Variants in PRRC2B observed in about 807,000 individuals in gnomAD.
The protein encoded by PRRC2B is proline rich coiled-coil 2B, also known as protein PRRC2B.
PRRC2B carries 68 observed loss-of-function variants against 242.3 expected under a neutral mutation model. The ratio of observed to expected loss-of-function variants is 0.28; its 90% CI spans 0.23 to 0.34. The LOEUF (loss-of-function observed/expected upper bound fraction) is 0.34, where lower values mean the gene tolerates loss of function less well. PRRC2B is among the 10% of genes least tolerant of loss of function. PRRC2B has a pLI of 1.00. For missense variants in PRRC2B, 2,835 were observed against 2,954.8 expected (o/e 0.96, Z 0.94); for synonymous variants, 1,228 against 1,173.6 (o/e 1.05, Z -0.95).
At position 131,475,517 on chromosome 9, in the gene PRRC2B, G is replaced by A. The variant is rs1273996576; in HGVS notation, c.3388G>A (p.Val1130Ile). The A allele has an allele frequency of 6.2e-7, 1 of 1,610,154 alleles. No individual in the cohort carries two copies. Among genetic ancestry groups the A allele is most frequent in the East Asian group, 2.2e-5 (1 of 44,814 alleles). The stretch of plus-strand genomic sequence containing the variant: ...CCCCAGAGCCAAGCCCCGACGGAGA[G>A]TTGCCAGTGAGACCCATAGCGAGGG... ...DCPRAKPRRR[V>I]ASETHSEGSE... Residue 1130 changes from valine to isoleucine, a missense_variant, in exon 16 of 32, where the codon GTT becomes ATT. Around this residue, in one of 7 missense-constraint regions of PRRC2B, gnomAD observed 1,536 missense variants for 1,483.1 expected, o/e 1.04. Coordinates refer to ENST00000683519, the MANE Select transcript of PRRC2B (RefSeq NM_013318.4).
At chr9:131,415,812 A>G (rs986591733) in intron 1 of PRRC2B, among the ~76,000 whole-genome samples, 1 of 152,104 alleles carries the variant, frequency 6.6e-6, no homozygotes, top group Non-Finnish European at 1.5e-5. Context: ...AACATGCTGA[A>G]ATTTCACATT....
In PRRC2B at chr9:131,444,941, G is replaced by C. The variant is rs78418077; in HGVS notation, c.613+613G>C. 2.0e-5 allele frequency among the ~76,000 whole-genome samples: 3 copies of C among 152,150 alleles called. No homozygotes were observed. The East Asian group carries it at 5.8e-4, about 29-fold the overall frequency. On this transcript the variant is annotated intron_variant, in intron 6 of 31. Coordinates refer to ENST00000683519, the MANE Select transcript of PRRC2B (RefSeq NM_013318.4). ...GGTGTTTAGGAATGTGATTTTCCAC[G>C]TGTTCTACTCAGGGATTTTGAAGTG... is the stretch of plus-strand genomic sequence containing the variant.
chr9:131,445,482 C>T lies in PRRC2B; in HGVS notation c.614-919C>T, dbSNP rs541842977. 1.3e-3 allele frequency among the ~76,000 whole-genome samples: 192 copies of T among 152,266 alleles called. 1 individual carries two copies. The highest frequency in any genetic ancestry group is 4.0e-3 in the African/African-American group (167 of 41,560). On this transcript the variant is annotated intron_variant, in intron 6 of 31. Transcript: ENST00000683519. ...CCTGTTTGCATCATTTTAAGGGACA[C>T]GAATTATGTCTTTCTGGGGTTAATT...
intron 11 of PRRC2B, 46 bp from the exon 12 acceptor site, chr9:131,464,717 C>A: frequency 1.3e-6 from 2 of 1,496,790 alleles, no homozygotes; most frequent in Non-Finnish European, 1.8e-6. Flanking sequence ...TCCTGTATCC[C>A]GGGTCCCGGA....
intron 1 of PRRC2B, among the ~76,000 whole-genome samples, chr9:131,396,770 T>A (rs1378755772): frequency 6.6e-6 from 1 of 152,098 alleles, no homozygotes; most frequent in African/African-American, 2.4e-5. Context: ...TTAGTACAGC[T>A]AGGGAGCTCA....
At chr9:131,382,379 GC>G (rs1470387822) in intron 1 of PRRC2B, among the ~76,000 whole-genome samples, 5 of 152,128 alleles carry the variant, frequency 3.3e-5, no homozygotes, top group African/African-American at 1.2e-4. Context: ...TCTGGTCTTT[GC>G]CTCCTCTCTT....
At chr9:131,441,630 C>T (rs1838578784) in intron 5 of PRRC2B, among the ~76,000 whole-genome samples, 1 of 152,236 alleles carries the variant, frequency 6.6e-6, no homozygotes, top group Admixed American at 6.5e-5. Context: ...AAGTCAGTTT[C>T]AGTTCCCCCT....
At chr9:131,410,056 CT>C (rs1179159214) in intron 1 of PRRC2B, among the ~76,000 whole-genome samples, 2 of 152,264 alleles carry the variant, frequency 1.3e-5, no homozygotes, top group East Asian at 3.9e-4. Context: ...AGAGGGAGGC[CT>C]TTGTATAGCA....
At position 131,488,099 on chromosome 9, in the gene PRRC2B, C is replaced by G. The variant is rs1944077678; in HGVS notation, c.6225+3C>G. The G allele has an allele frequency of 1.2e-6, 2 of 1,611,264 alleles. No homozygotes were observed. On this transcript the variant is annotated splice_donor_region_variant and intron_variant, in intron 28 of 31. Transcript: ENST00000683519. Reference sequence around the variant, plus strand: ...TGTTGGACTCCCAGCTCCCACAGGTCAGGAATTCAGTCACTCTACCCAAAG... The same window carrying G: ...TGTTGGACTCCCAGCTCCCACAGGTGAGGAATTCAGTCACTCTACCCAAAG...
At chr9:131,419,238 G>A (rs1837734771) in intron 1 of PRRC2B, among the ~76,000 whole-genome samples, 1 of 152,188 alleles carries the variant, frequency 6.6e-6, no homozygotes, top group Non-Finnish European at 1.5e-5. Flanking sequence ...TTTATCTCAA[G>A]AGGGTTTTCT....
chr9:131,397,053 A>T (rs922995403), intron 1 of PRRC2B, among the ~76,000 whole-genome samples: 2 of 152,170 alleles, frequency 1.3e-5, no homozygotes, highest in Non-Finnish European at 2.9e-5. Context: ...TGGAACTGAG[A>T]TATTTTAGCA....
Position 131,475,979 on chromosome 9 carries a change from C to G in PRRC2B, c.3850C>G (p.Gln1284Glu). The G allele has an allele frequency of 6.2e-7, 1 of 1,610,226 alleles. No individual in the cohort carries two copies. Among genetic ancestry groups the G allele is most frequent in the Non-Finnish European group, 8.5e-7 (1 of 1,176,988 alleles). The change falls in exon 16 of 32, where the codon CAA becomes GAA. Residue 1284 changes from glutamine to glutamate, a missense_variant. Coordinates refer to ENST00000683519, the MANE Select transcript of PRRC2B (RefSeq NM_013318.4). ...CGCGGAGGACAAGAGATCCTTCTTC[C>G]AAGATGAACACGTGGCAGATTCTGA... ...SRAEDKRSFF[Q>E]DEHVADSENA...
chr9:131,457,185 T>G (rs910530903), intron 10 of PRRC2B, among the ~76,000 whole-genome samples: 2 of 152,264 alleles, frequency 1.3e-5, no homozygotes, highest in Admixed American at 1.3e-4. Flanking sequence ...TGTAATTTCC[T>G]TTCATGCTGT....
Position 131,473,559 on chromosome 9 carries a change from G to C in PRRC2B, c.2159G>C (p.Arg720Pro). The change falls in exon 15 of 32, where the codon CGC becomes CCC. Residue 720 changes from arginine to proline, a missense_variant. Physicochemically the swap from Arg to Pro is moderately radical, Grantham distance 103 (BLOSUM62 -2). This residue lies in a region of PRRC2B where 1,536 missense variants were observed against 1,483.1 expected (regional missense o/e 1.04). Coordinates refer to ENST00000683519, the MANE Select transcript of PRRC2B (RefSeq NM_013318.4). Reference sequence around the variant, plus strand: ...GAGTCCCTCAATGGGACAGGCTGTCGCTCTGAGGATCAGAACTGTGTGCCC... The same window carrying C: ...GAGTCCCTCAATGGGACAGGCTGTCCCTCTGAGGATCAGAACTGTGTGCCC... ...PQESLNGTGCRSEDQNCVPPL... is the reference protein window; with the variant it reads ...PQESLNGTGCPSEDQNCVPPL... 1.2e-6 allele frequency: 2 copies of C among 1,610,198 alleles called. No homozygotes were observed. Among genetic ancestry groups the C allele is most frequent in the Non-Finnish European group, 1.7e-6 (2 of 1,178,306 alleles).
At chr9:131,491,252 G>T in intron 28 of PRRC2B, 173 bp from the exon 29 acceptor site, 1 of 625,746 alleles carries the variant, frequency 1.6e-6, no homozygotes. Flanking sequence ...TGAAATCCTG[G>T]GCGATCTCTC....
rs1308552617 is a variant in PRRC2B at position 131,474,716 on chromosome 9, G to A, written c.2587G>A (p.Glu863Lys). 1 of 1,612,606 alleles carries A rather than the reference G, an allele frequency of 6.2e-7. No homozygotes were observed. The highest frequency in any genetic ancestry group is 1.7e-5 in the Admixed American group (1 of 59,782). Residue 863 changes from glutamate to lysine, a missense_variant, in exon 16 of 32, where the codon GAG becomes AAG. By Grantham distance (56) the Glu-to-Lys change is moderately conservative. This residue lies in a region of PRRC2B where 1,536 missense variants were observed against 1,483.1 expected (regional missense o/e 1.04). Coordinates refer to ENST00000683519, the MANE Select transcript of PRRC2B (RefSeq NM_013318.4). ...SPLEPDFVPD[E>K]KKPECGSWDV... ...ATTGGAGCCTGACTTTGTCCCAGAT[G>A]AGAAAAAGCCAGAGTGTGGCAGTTG... is the stretch of plus-strand genomic sequence containing the variant.
Position 131,487,717 on chromosome 9 carries a change from TG to T in PRRC2B, c.5985-137del. 2 of 1,146,798 alleles carry T rather than the reference TG, an allele frequency of 1.7e-6. No homozygotes were observed. Among genetic ancestry groups the T allele is most frequent in the Non-Finnish European group, 2.4e-6 (2 of 827,316 alleles). The allele number at this position is 1,146,798 out of a possible 1,614,324, so 71.0% of individuals were successfully genotyped here. Reference sequence around the variant, plus strand: ...AGGAGCTTGTTCTCAGGCCCCATCCTGGACCCTCTGAGTCGCGCTCTGGGGG... The same window carrying T: ...AGGAGCTTGTTCTCAGGCCCCATCCTGACCCTCTGAGTCGCGCTCTGGGGG... On this transcript the variant is annotated intron_variant, in intron 27 of 31. Transcript: ENST00000683519. This position sits in a 1 kb window ranked among gnomAD's most constrained non-coding sequence, Gnocchi z 5.3.
At position 131,494,812 on chromosome 9, in the gene PRRC2B, G is replaced by A. The variant is rs746952093; in HGVS notation, c.6555+326G>A. On this transcript the variant is annotated intron_variant, in intron 31 of 31. Coordinates refer to ENST00000683519, the MANE Select transcript of PRRC2B (RefSeq NM_013318.4). This position sits in a 1 kb window ranked among gnomAD's most constrained non-coding sequence, Gnocchi z 4.3. ...GGAGACTCGGTTAGGTTTGGGGGTC[G>A]GCTTTAGGAGCCGGGGTGCGCGCGC... 6.6e-5 allele frequency among the ~76,000 whole-genome samples: 10 copies of A among 152,142 alleles called. No individual in the cohort carries two copies. Among genetic ancestry groups the A allele is most frequent in the Non-Finnish European group, 1.0e-4 (7 of 68,016 alleles).
Position 131,476,436 on chromosome 9 carries a change from A to C in PRRC2B, c.4307A>C (p.Glu1436Ala), listed in dbSNP as rs1465507904. 1 of 1,612,708 alleles carries C rather than the reference A, an allele frequency of 6.2e-7. No homozygotes were observed. The highest frequency in any genetic ancestry group is 1.7e-5 in the Admixed American group (1 of 59,880). Residue 1436 changes from glutamate (E) to alanine (A), a missense_variant, in exon 16 of 32, where the codon GAG becomes GCG. This residue lies in a region of PRRC2B where 1,536 missense variants were observed against 1,483.1 expected (regional missense o/e 1.04). Transcript: ENST00000683519. Reference protein sequence around the residue: ...PVVDRQSRKLEPGGFGEKPVR... With the variant: ...PVVDRQSRKLAPGGFGEKPVR... ...GTTGACAGACAGAGCCGAAAGCTGG[A>C]GCCGGGAGGGTTTGGGGAGAAGCCC...
Sources: allele counts gnomAD v4.1 joint callset (sites outside exome capture counted in the v4.1 genomes callset), GRCh38; gene constraint gnomAD v4.1.1; regional missense constraint gnomAD v4.1.1; non-coding constraint Gnocchi (gnomAD v3.1); transcripts MANE v1.5; gene names NCBI Gene and HGNC (gene_info 2026-07-23, HGNC 2026-07-21).